Variants in DLG2 observed in about 807,000 individuals in gnomAD.
DLG2 encodes discs large MAGUK scaffold protein 2, also known as disks large homolog 2.
Under a neutral mutation model 132.5 loss-of-function variants are expected in DLG2, and 45 were observed. The observed-to-expected ratio is 0.34, with a 90% CI of 0.27 to 0.44. The LOEUF (loss-of-function observed/expected upper bound fraction) is 0.44, where lower values mean the gene tolerates loss of function less well. DLG2 is among the 20% of genes least tolerant of loss of function. DLG2 has a pLI of 1.00. For synonymous variants in DLG2, 424 were observed against 419.6 expected, an observed-to-expected ratio of 1.01 and a Z score of -0.13; for missense variants, 1,045 against 1,196.9, an observed-to-expected ratio of 0.87 and a Z score of 1.87.
chr11:84,471,417 C>T (rs1268406692), intron 7 of DLG2, among the ~76,000 whole-genome samples: 1 of 151,728 alleles, frequency 6.6e-6, no homozygotes, highest in African/African-American at 2.4e-5. Context: ...TTCTCTTTTA[C>T]TTTCTACTTA....
chr11:83,956,606 C>A (rs1565800925), intron 14 of DLG2, among the ~76,000 whole-genome samples: 1 of 152,182 alleles, frequency 6.6e-6, no homozygotes, highest in Admixed American at 6.5e-5. Context: ...AGACAGGGTG[C>A]CCCTACCGCG....
intron 6 of DLG2, among the ~76,000 whole-genome samples, chr11:84,666,863 G>A (rs1042764804): frequency 6.6e-6 from 1 of 152,016 alleles, no homozygotes; most frequent in Non-Finnish European, 1.5e-5. Context: ...ATCAAAATGG[G>A]ATCCAAATCC....
At chr11:85,562,395 C>A (rs1313627563) in intron 3 of DLG2, among the ~76,000 whole-genome samples, 1 of 151,438 alleles carries the variant, frequency 6.6e-6, no homozygotes, top group Non-Finnish European at 1.5e-5. Flanking sequence ...TTGTATTGAC[C>A]ATTCGATTTT....
chr11:84,856,656 C>T lies in DLG2; in HGVS notation c.357+255005G>A, dbSNP rs1599890199. Among the ~76,000 whole-genome samples the T allele has an allele frequency of 2.0e-5, 3 of 152,046 alleles. No individual in the cohort carries two copies. In the East Asian group the frequency reaches 5.8e-4, roughly 29 times the overall value. On this transcript the variant is annotated intron_variant, in intron 6 of 27. Coordinates refer to ENST00000376104, the MANE Select transcript of DLG2 (RefSeq NM_001142699.3). Reference sequence around the variant, plus strand: ...CTAGTCACCTCACTTCCATGCTTGTCAGTCTGTATTCTAAATTGAAAATCA... The same window carrying T: ...CTAGTCACCTCACTTCCATGCTTGTTAGTCTGTATTCTAAATTGAAAATCA...
In DLG2 at chr11:85,445,921, A is replaced by G. The variant is rs189495790; in HGVS notation, c.40+152736T>C. On this transcript the variant is annotated intron_variant, in intron 3 of 27. Coordinates refer to ENST00000376104, the MANE Select transcript of DLG2 (RefSeq NM_001142699.3). The stretch of plus-strand genomic sequence containing the variant: ...TCACACATTGCTCTATATATTATGT[A>G]CACTGCCTCTAATCTACAGATGAGA... Among the ~76,000 whole-genome samples the G allele has an allele frequency of 1.9e-3, 288 of 152,356 alleles. 1 individual carries two copies. Among genetic ancestry groups the G allele is most frequent in the Non-Finnish European group, 2.7e-3 (185 of 68,030 alleles).
intron 6 of DLG2, among the ~76,000 whole-genome samples, chr11:84,818,165 C>G (rs1026320483): frequency 2.6e-5 from 4 of 152,014 alleles, no homozygotes; most frequent in Non-Finnish European, 5.9e-5. Context: ...CTGCAGAATT[C>G]AAACACTTCC....
intron 6 of DLG2, among the ~76,000 whole-genome samples, chr11:84,649,445 G>C (rs1484112506): frequency 3.3e-5 from 5 of 152,178 alleles, no homozygotes; most frequent in Non-Finnish European, 7.3e-5. Flanking sequence ...GAAGGAGAAA[G>C]GCTGTGTAAT....
At chr11:84,513,955 A>G (rs2099264744) in intron 7 of DLG2, among the ~76,000 whole-genome samples, 1 of 152,124 alleles carries the variant, frequency 6.6e-6, no homozygotes, top group Non-Finnish European at 1.5e-5. Flanking sequence ...ACAAGGGATT[A>G]TAGCCATAAT....
chr11:83,779,473 G>A (rs985069439), intron 18 of DLG2, among the ~76,000 whole-genome samples: 1 of 152,078 alleles, frequency 6.6e-6, no homozygotes, highest in African/African-American at 2.4e-5. Flanking sequence ...AGAAAGTGGT[G>A]AGGCTCCCTC....
At chr11:84,792,747 T>C (rs1194145166) in intron 6 of DLG2, among the ~76,000 whole-genome samples, 2 of 152,146 alleles carry the variant, frequency 1.3e-5, no homozygotes, top group Non-Finnish European at 2.9e-5. Context: ...CTTTTGAATT[T>C]TGGCAATATC....
chr11:84,041,403 C>G (rs2154106567), intron 11 of DLG2, among the ~76,000 whole-genome samples: 1 of 152,024 alleles, frequency 6.6e-6, no homozygotes, highest in East Asian at 1.9e-4. Context: ...TATACTCCAC[C>G]AGCCTCCTTC....
rs117212272 is a variant in DLG2, at chr11:84,711,946, T to G, written c.358-177215A>C. ...TTCCAGGCATTATACTAAATGAATATAATATGGCTCCTGCCCCTAAAATCC... is the reference window on the plus strand; with the variant it reads ...TTCCAGGCATTATACTAAATGAATAGAATATGGCTCCTGCCCCTAAAATCC... On this transcript the variant is annotated intron_variant, in intron 6 of 27. Transcript: ENST00000376104. Among the ~76,000 whole-genome samples the G allele has an allele frequency of 8.9e-3, 1,362 of 152,198 alleles. 11 individuals are homozygous for G. The highest frequency in any genetic ancestry group is 0.012 in the African/African-American group (503 of 41,548).
chr11:84,835,033 G>C (rs962795150), intron 6 of DLG2, among the ~76,000 whole-genome samples: 2 of 151,620 alleles, frequency 1.3e-5, no homozygotes, highest in Admixed American at 1.3e-4. Context: ...CTAAGACAGT[G>C]ATACAGCATG....
chr11:84,332,499 C>T (rs1434566187), intron 7 of DLG2, among the ~76,000 whole-genome samples: 2 of 147,868 alleles, frequency 1.4e-5, no homozygotes, highest in Admixed American at 6.7e-5. Flanking sequence ...TGTGAGCCAC[C>T]GCGCCTGGCT....
intron 14 of DLG2, among the ~76,000 whole-genome samples, chr11:83,955,641 A>T (rs899192665): frequency 6.6e-6 from 1 of 152,172 alleles, no homozygotes; most frequent in Non-Finnish European, 1.5e-5. Flanking sequence ...TCCTATGTAT[A>T]TAAAGACTCC....
intron 3 of DLG2, among the ~76,000 whole-genome samples, chr11:85,517,979 T>A (rs527407249): frequency 6.6e-6 from 1 of 152,310 alleles, no homozygotes; most frequent in African/African-American, 2.4e-5. Context: ...ACGTAAGATG[T>A]GACTTGCTCC....
At chr11:84,113,171 A>G (rs1305936347) in intron 9 of DLG2, among the ~76,000 whole-genome samples, 1 of 152,204 alleles carries the variant, frequency 6.6e-6, no homozygotes, top group East Asian at 1.9e-4. Flanking sequence ...ATTTTACTTA[A>G]GAATATCTTT....
At chr11:84,333,640 C>G (rs567362501) in intron 7 of DLG2, among the ~76,000 whole-genome samples, 1 of 152,232 alleles carries the variant, frequency 6.6e-6, no homozygotes, top group African/African-American at 2.4e-5. Flanking sequence ...CACAGAAGAA[C>G]AGTATTCACA....
chr11:83,857,845 A>C (rs1177940684), intron 16 of DLG2, among the ~76,000 whole-genome samples: 1 of 151,046 alleles, frequency 6.6e-6, no homozygotes, highest in Admixed American at 6.6e-5. Context: ...ATGAACCTAC[A>C]GCTGCTCTGA....
Sources: gnomAD v4.1 joint callset for allele counts (sites outside exome capture counted in the v4.1 genomes callset) on GRCh38, gnomAD v4.1.1 for gene constraint, MANE v1.5 for transcripts, NCBI Gene and HGNC (gene_info 2026-07-23, HGNC 2026-07-21) for gene names.